LARGE1: variants seen among roughly 807,000 people sequenced by gnomAD.
LARGE1 encodes LARGE xylosyl- and glucuronyltransferase 1, also known as xylosyl- and glucuronyltransferase LARGE1.
A neutral mutation model predicts 87.6 loss-of-function variants in LARGE1; 43 were observed. That is an observed-to-expected ratio of 0.49 (90% CI 0.38 to 0.63). The LOEUF is 0.63. Ranked by LOEUF, LARGE1 falls within the 30% of genes least tolerant of loss-of-function variation. The pLI, the probability that LARGE1 is intolerant of heterozygous loss-of-function variation, is 0.00. For synonymous variants in LARGE1, 434 were observed against 394.6 expected (o/e 1.10, Z -1.18); for missense variants, 802 against 1,000.2 (o/e 0.80, Z 2.67).
intron 11 of LARGE1, among the ~76,000 whole-genome samples, chr22:33,312,823 G>C (rs75947870): frequency 2.6e-5 from 4 of 152,192 alleles, no homozygotes; most frequent in Admixed American, 6.6e-5. Context: ...CACTGACATG[G>C]AGTATTCCAT....
intron 2 of LARGE1, among the ~76,000 whole-genome samples, chr22:33,730,090 T>C (rs956959114): frequency 6.6e-6 from 1 of 152,060 alleles, no homozygotes; most frequent in African/African-American, 2.4e-5. Context: ...AGTCCACAAA[T>C]ACACAGATTT....
intron 11 of LARGE1, among the ~76,000 whole-genome samples, chr22:33,262,898 T>G (rs1204605676): frequency 1.4e-5 from 2 of 141,634 alleles, no homozygotes; most frequent in Non-Finnish European, 3.1e-5. Context: ...TCCCCTCCCC[T>G]TCCGTTCTTT....
chr22:33,403,134 T>C (rs1023206235), intron 7 of LARGE1, among the ~76,000 whole-genome samples: 1 of 152,190 alleles, frequency 6.6e-6, no homozygotes, highest in African/African-American at 2.4e-5. Context: ...TGTAGGTGCT[T>C]TGTGGCACCA....
chr22:33,866,173 GC>G, intron 1 of LARGE1, among the ~76,000 whole-genome samples: 1 of 152,082 alleles, frequency 6.6e-6, no homozygotes, highest in East Asian at 1.9e-4. Context: ...CAACTCAGCT[GC>G]TGCCAGATGA....
Position 33,384,042 on chromosome 22 carries a change from T to C in LARGE1, c.1005+150A>G. 1.1e-5 allele frequency: 8 copies of C among 733,240 alleles called. No homozygotes were observed. In the South Asian group the frequency reaches 1.1e-4, roughly 11 times the overall value. 45.4% of individuals were successfully genotyped at this position (733,240 alleles called of 1,614,324 possible). A position where few individuals can be genotyped will look rare whatever the true frequency, so the allele number is the denominator to read the frequency against. Reference sequence around the variant, plus strand: ...GCACTAAGGAGTTGAGCTGTTGTCTTAGACTGGCAAGAATAAGGCAGCTGT... The same window carrying C: ...GCACTAAGGAGTTGAGCTGTTGTCTCAGACTGGCAAGAATAAGGCAGCTGT... On this transcript the variant is annotated intron_variant, in intron 8 of 14. Transcript: ENST00000397394.
At chr22:33,369,906 T>C (rs1234111176) in intron 9 of LARGE1, among the ~76,000 whole-genome samples, 1 of 151,212 alleles carries the variant, frequency 6.6e-6, no homozygotes, top group East Asian at 1.9e-4. Context: ...TGAGATAAAA[T>C]TCAGTGCTTA....
At chr22:33,755,260 A>G (rs372475534) in intron 2 of LARGE1, among the ~76,000 whole-genome samples, 1 of 152,186 alleles carries the variant, frequency 6.6e-6, no homozygotes, top group East Asian at 1.9e-4. Context: ...ATCAGTTCAG[A>G]AGTGAAGATC....
intron 6 of LARGE1, among the ~76,000 whole-genome samples, chr22:33,443,396 C>A: frequency 6.6e-6 from 1 of 152,148 alleles, no homozygotes; most frequent in East Asian, 1.9e-4. Context: ...AAAGGGTGGT[C>A]GAAGTGCATG....
rs899211530 is a variant in LARGE1, at chr22:33,646,711, A to G, written c.408+3656T>C. ...AATCCTATGTGCTGCTCCTTAAAGC[A>G]GTGGTTTCCTTTTTTTGTTTTGTTT... is the stretch of plus-strand genomic sequence containing the variant. On this transcript the variant is annotated intron_variant, in intron 3 of 14. Transcript: ENST00000397394. 2.6e-5 allele frequency among the ~76,000 whole-genome samples: 4 copies of G among 152,218 alleles called. No homozygotes were observed. The East Asian group carries it at 7.7e-4, about 29-fold the overall frequency.
chr22:33,782,635 G>C (rs2085458332), intron 1 of LARGE1, among the ~76,000 whole-genome samples: 1 of 152,082 alleles, frequency 6.6e-6, no homozygotes, highest in Non-Finnish European at 1.5e-5. Context: ...GGGAGGCCGA[G>C]GCGGGCGCAT....
Position 33,755,864 on chromosome 22 carries a change from G to T in LARGE1, c.106+5507C>A, listed in dbSNP as rs2084493858. On this transcript the variant is annotated intron_variant, in intron 2 of 14. Transcript: ENST00000397394. Reference sequence around the variant, plus strand: ...CTTCCTTCTCTCAAGAAACTCATAGGTAAGTGGTTAGAAAGACATCAAACA... The same window carrying T: ...CTTCCTTCTCTCAAGAAACTCATAGTTAAGTGGTTAGAAAGACATCAAACA... Among the ~76,000 whole-genome samples the T allele has an allele frequency of 2.0e-5, 3 of 152,146 alleles. No homozygotes were observed. In the South Asian group the frequency reaches 6.2e-4, roughly 32 times the overall value.
chr22:33,838,656 T>C (rs2063180439), intron 1 of LARGE1, among the ~76,000 whole-genome samples: 1 of 152,184 alleles, frequency 6.6e-6, no homozygotes, highest in Non-Finnish European at 1.5e-5. Flanking sequence ...AATTGTCCTT[T>C]AGCGATTTCT....
intron 3 of LARGE1, among the ~76,000 whole-genome samples, chr22:33,642,043 T>C (rs1054444664): frequency 6.6e-6 from 1 of 152,040 alleles, no homozygotes; most frequent in African/African-American, 2.4e-5. Context: ...ACCACAAAGA[T>C]AGTCTTCCAG....
chr22:33,596,107 T>C (rs1157546442), intron 5 of LARGE1, among the ~76,000 whole-genome samples: 3 of 152,220 alleles, frequency 2.0e-5, no homozygotes, highest in Non-Finnish European at 4.4e-5. Context: ...ACTGCCAAGT[T>C]CCTTTCTAAT....
chr22:33,419,551 T>A (rs2066618984), intron 7 of LARGE1, among the ~76,000 whole-genome samples: 1 of 152,132 alleles, frequency 6.6e-6, no homozygotes. Context: ...AGCTCAAATG[T>A]CGTCTTCTCA....
intron 2 of LARGE1, among the ~76,000 whole-genome samples, chr22:33,664,728 G>A (rs1198882002): frequency 6.6e-6 from 1 of 152,178 alleles, no homozygotes; most frequent in Admixed American, 6.5e-5. Context: ...GCTAGGTATG[G>A]TGGCACATGC....
chr22:33,618,916 T>C (rs988768824), intron 4 of LARGE1, among the ~76,000 whole-genome samples: 4 of 152,218 alleles, frequency 2.6e-5, no homozygotes, highest in Admixed American at 6.5e-5. Flanking sequence ...ATGCCCACCT[T>C]TGTGTGGTGT....
intron 7 of LARGE1, among the ~76,000 whole-genome samples, chr22:33,393,743 C>A (rs1197266680): frequency 6.6e-6 from 1 of 152,240 alleles, no homozygotes; most frequent in East Asian, 1.9e-4. Flanking sequence ...GTGCTCTGCA[C>A]AGAGGCAACA....
At chr22:33,545,419 AACAC>A (rs55754949) in intron 6 of LARGE1, among the ~76,000 whole-genome samples, 2,590 of 143,994 alleles carry the variant, frequency 0.018, 57 homozygotes, top group Middle Eastern at 0.024. Flanking sequence ...ACACCCAGCT[AACAC>A]ACACACACAC....
Sources: gnomAD v4.1 joint callset for allele counts (sites outside exome capture counted in the v4.1 genomes callset) on GRCh38, gnomAD v4.1.1 for gene constraint, MANE v1.5 for transcripts, NCBI Gene and HGNC (gene_info 2026-07-23, HGNC 2026-07-21) for gene names.